The following VPS13B variants were observed in gnomAD, a reference collection of about 807,000 sequenced individuals.
VPS13B encodes vacuolar protein sorting 13 homolog B.
In VPS13B, 285 loss-of-function variants were observed where a neutral mutation model predicts 426.4. The ratio of observed to expected loss-of-function variants is 0.67; its 90% CI spans 0.61 to 0.74. The LOEUF (loss-of-function observed/expected upper bound fraction) is 0.74, where lower values mean the gene tolerates loss of function less well. VPS13B is among the 30% of genes least tolerant of loss of function. The pLI, the probability that VPS13B is intolerant of heterozygous loss-of-function variation, is 0.00. For missense variants in VPS13B, 4,537 were observed against 4,782.6 expected (o/e 0.95, Z 1.51); for synonymous variants, 1,676 against 1,676.4 (o/e 1.00, Z 0.01).
intron 23 of VPS13B, among the ~76,000 whole-genome samples, chr8:99,457,924 T>TTA (rs897381690): frequency 7.2e-5 from 11 of 152,218 alleles, no homozygotes; most frequent in South Asian, 2.1e-4. Flanking sequence ...TTTCTTTTTT[T>TTA]TATATATATA....
rs183940434 is a variant in VPS13B at position 99,618,563 on chromosome 8, T to G, written c.5221-23248T>G. Among the ~76,000 whole-genome samples the G allele has an allele frequency of 5.6e-3, 846 of 152,290 alleles. 6 individuals carry two copies. Among genetic ancestry groups the G allele is most frequent in the Non-Finnish European group, 8.9e-3 (607 of 68,018 alleles). ...AATAGAATTCATTACTATATGATCTTTGATGGAAATGTTAGAATTGTTCAC... is the reference window on the plus strand; with the variant it reads ...AATAGAATTCATTACTATATGATCTGTGATGGAAATGTTAGAATTGTTCAC... On this transcript the variant is annotated intron_variant, in intron 33 of 61. Coordinates refer to ENST00000357162, the MANE Select transcript of VPS13B (RefSeq NM_152564.5).
At chr8:99,634,141 G>A (rs1444173965) in intron 33 of VPS13B, among the ~76,000 whole-genome samples, 1 of 151,734 alleles carries the variant, frequency 6.6e-6, no homozygotes, top group African/African-American at 2.4e-5. Context: ...AAAGTCTAAA[G>A]GTCAACACTG....
At chr8:99,870,101 ATC>A (rs1235005475) in intron 59 of VPS13B, among the ~76,000 whole-genome samples, 2 of 152,212 alleles carry the variant, frequency 1.3e-5, no homozygotes, top group African/African-American at 2.4e-5. Flanking sequence ...CTTTGTATAT[ATC>A]TGTGTGTTTT....
intron 33 of VPS13B, among the ~76,000 whole-genome samples, chr8:99,588,394 C>A (rs199701848): frequency 2.0e-5 from 3 of 151,736 alleles, no homozygotes; most frequent in Non-Finnish European, 4.4e-5. Flanking sequence ...ATTGAATCTA[C>A]AAATTACTTT....
intron 34 of VPS13B, among the ~76,000 whole-genome samples, chr8:99,649,782 A>G (rs1019927825): frequency 3.9e-5 from 6 of 152,148 alleles, no homozygotes; most frequent in Non-Finnish European, 5.9e-5. Context: ...TTTCCAGACA[A>G]TATTCCTGTT....
intron 29 of VPS13B, among the ~76,000 whole-genome samples, chr8:99,515,660 C>CTATTTTTTTTATGGTGTTTTT (rs1822031236): frequency 6.6e-6 from 1 of 151,386 alleles, no homozygotes; most frequent in Admixed American, 6.6e-5. Flanking sequence ...CAACAAACAA[C>CTATTTTTTTTATGGTGTTTTT]TTTTTAGTGG....
chr8:99,433,846 G>A (rs568873419), intron 22 of VPS13B, among the ~76,000 whole-genome samples: 24 of 151,784 alleles, frequency 1.6e-4, no homozygotes, highest in African/African-American at 4.4e-4. Context: ...TTACTCTGTC[G>A]CCCAGGCTGG....
intron 25 of VPS13B, among the ~76,000 whole-genome samples, chr8:99,492,315 C>G (rs905041740): frequency 1.3e-5 from 2 of 152,230 alleles, no homozygotes; most frequent in Non-Finnish European, 2.9e-5. Context: ...TCAGGCTACA[C>G]GGGCGTCAGG....
At chr8:99,124,438 A>C (rs1848092302) in intron 8 of VPS13B, among the ~76,000 whole-genome samples, 1 of 152,226 alleles carries the variant, frequency 6.6e-6, no homozygotes, top group Non-Finnish European at 1.5e-5. Context: ...AAAGAATAAA[A>C]AACTGGTATT....
chr8:99,577,087 C>T (rs947219272), intron 32 of VPS13B, among the ~76,000 whole-genome samples: 6 of 152,054 alleles, frequency 3.9e-5, no homozygotes, highest in African/African-American at 1.4e-4. Flanking sequence ...TAGGACTCTA[C>T]TATCGTACCT....
intron 29 of VPS13B, among the ~76,000 whole-genome samples, chr8:99,514,887 A>C (rs1046139096): frequency 1.3e-5 from 2 of 152,144 alleles, no homozygotes; most frequent in African/African-American, 2.4e-5. Context: ...GCCCTTGTGG[A>C]TTAGAGCACG....
At chr8:99,510,654 TACC>T (rs1316237513) in intron 28 of VPS13B, among the ~76,000 whole-genome samples, 2 of 152,066 alleles carry the variant, frequency 1.3e-5, no homozygotes, top group Non-Finnish European at 2.9e-5. Context: ...AGGCATGTAC[TACC>T]ATGCCACCAC....
Position 99,642,188 on chromosome 8 carries a change from T to C in VPS13B, c.5598T>C (p.Cys1866=), listed in dbSNP as rs2133932018. Reference sequence around the variant, plus strand: ...ATGTTGCTAAGCCCAACCAGGCATGTATTTCCACGGTGACAGCAGAAGATC... The same window carrying C: ...ATGTTGCTAAGCCCAACCAGGCATGCATTTCCACGGTGACAGCAGAAGATC... ...DSDVAKPNQA[C]ISTVTAEDLL... The change falls in exon 34 of 62, where the codon TGT becomes TGC. Residue 1866 remains cysteine, a synonymous_variant. Coordinates refer to ENST00000357162, the MANE Select transcript of VPS13B (RefSeq NM_152564.5). The C allele has an allele frequency of 1.2e-6, 2 of 1,614,188 alleles. No individual in the cohort carries two copies. The highest frequency in any genetic ancestry group is 1.1e-5 in the South Asian group (1 of 91,080).
chr8:99,514,649 A>G (rs999813031), intron 29 of VPS13B, among the ~76,000 whole-genome samples: 1 of 152,220 alleles, frequency 6.6e-6, no homozygotes, highest in Non-Finnish European at 1.5e-5. Context: ...ATTGTTTTGT[A>G]TGGATATACC....
chr8:99,491,631 C>T (rs1370241718), intron 25 of VPS13B, among the ~76,000 whole-genome samples: 1 of 152,056 alleles, frequency 6.6e-6, no homozygotes, highest in Non-Finnish European at 1.5e-5. Context: ...TCACTGATAT[C>T]CTTTCTTCCA....
intron 59 of VPS13B, among the ~76,000 whole-genome samples, chr8:99,868,750 G>A (rs1003216931): frequency 6.6e-6 from 1 of 152,236 alleles, no homozygotes; most frequent in African/African-American, 2.4e-5. Context: ...GCAGAATGGA[G>A]AATACAGCAG....
intron 34 of VPS13B, among the ~76,000 whole-genome samples, chr8:99,654,624 G>A (rs1299532861): frequency 6.6e-6 from 1 of 152,128 alleles, no homozygotes; most frequent in Non-Finnish European, 1.5e-5. Flanking sequence ...TTATTGCAGA[G>A]GATTACACTT....
At chr8:99,101,506 T>C (rs1277615070) in intron 4 of VPS13B, among the ~76,000 whole-genome samples, 1 of 152,206 alleles carries the variant, frequency 6.6e-6, no homozygotes, top group African/African-American at 2.4e-5. Context: ...AAAATGTTGA[T>C]ACTTACAATT....
At chr8:99,437,072 A>G (rs1225310314) in intron 22 of VPS13B, among the ~76,000 whole-genome samples, 1 of 152,146 alleles carries the variant, frequency 6.6e-6, no homozygotes, top group African/African-American at 2.4e-5. Flanking sequence ...TTTATGAGCC[A>G]AAATATAAAA....
Sources: gnomAD v4.1 joint callset for allele counts (sites outside exome capture counted in the v4.1 genomes callset) on GRCh38, gnomAD v4.1.1 for gene constraint, MANE v1.5 for transcripts, NCBI Gene and HGNC (gene_info 2026-07-23, HGNC 2026-07-21) for gene names.